ZNF395: variants seen among roughly 807,000 people sequenced by gnomAD.
The protein encoded by ZNF395 is zinc finger protein 395, also known as HD gene regulatory region-binding protein 2.
Under a neutral mutation model 57.7 loss-of-function variants are expected in ZNF395, and 20 were observed. The observed-to-expected ratio is 0.35, with a 90% CI of 0.24 to 0.50. The LOEUF is 0.50. Ranked by LOEUF, ZNF395 falls within the 20% of genes least tolerant of loss-of-function variation. The pLI is 0.97. For missense variants in ZNF395, 606 were observed against 671.2 expected (o/e 0.90, Z 1.07); for synonymous variants, 295 against 275.9 (o/e 1.07, Z -0.69).
chr8:28,369,833 T>G (rs1050802943), intron 1 of ZNF395, among the ~76,000 whole-genome samples: 1 of 152,228 alleles, frequency 6.6e-6, no homozygotes, highest in African/African-American at 2.4e-5. Context: ...CCTGCTGCTA[T>G]GCAACATGTG....
rs1481651128 is a variant in ZNF395 at position 28,384,091 on chromosome 8, T to TG, written c.-59+2301dup. Among the ~76,000 whole-genome samples, 30 of 152,188 alleles carry TG rather than the reference T, an allele frequency of 2.0e-4. 1 individual carries two copies. On this transcript the variant is annotated intron_variant, in intron 1 of 9. Coordinates refer to ENST00000344423, the MANE Select transcript of ZNF395 (RefSeq NM_018660.3). ...CTTCCAGTGATCCCAGTGCAAACTC[T>TG]GGCCACCCTGCAACTCCAACAGCCT...
chr8:28,350,162 GA>G lies in ZNF395; in HGVS notation c.1234-7del. The G allele has an allele frequency of 6.3e-7, 1 of 1,598,960 alleles. No individual in the cohort carries two copies. ...ATCTGGAAGGATGGCAGAGCCTGCGGAAGACGAGGGTGTCAGCCCGGATTCT... is the reference window on the plus strand; with the variant it reads ...ATCTGGAAGGATGGCAGAGCCTGCGGAGACGAGGGTGTCAGCCCGGATTCT... On this transcript the variant is annotated splice_polypyrimidine_tract_variant and splice_region_variant and intron_variant, in intron 7 of 9. Coordinates refer to ENST00000344423, the MANE Select transcript of ZNF395 (RefSeq NM_018660.3).
chr8:28,349,093 C>A (rs1310774434), intron 9 of ZNF395, 32 bp downstream of exon 9: 3 of 1,554,294 alleles, frequency 1.9e-6, no homozygotes, highest in Non-Finnish European at 2.6e-6. Flanking sequence ...GCACAGAAAC[C>A]AGAAGGCAGG....
intron 1 of ZNF395, among the ~76,000 whole-genome samples, chr8:28,380,793 G>C (rs569870424): frequency 3.3e-5 from 5 of 152,292 alleles, no homozygotes; most frequent in African/African-American, 9.6e-5. Flanking sequence ...CCTTGCATCC[G>C]ATAGCCACAC....
chr8:28,356,091 ATAT>A lies in ZNF395; in HGVS notation c.583+576_583+578del, dbSNP rs2129950456. 6.6e-6 allele frequency among the ~76,000 whole-genome samples: 1 copy of A among 152,172 alleles called. No homozygotes were observed. Among genetic ancestry groups the A allele is most frequent in the South Asian group, 2.1e-4 (1 of 4,824 alleles). On this transcript the variant is annotated intron_variant, in intron 4 of 9. Transcript: ENST00000344423. The surrounding 1 kb of genome is among the most constrained non-coding windows in gnomAD (Gnocchi z 4.0). ...ATACTCAGCAACCCTTTTTTCCCTC[ATAT>A]TATTGATAAAGTATTTTGGGGTTGC...
chr8:28,350,123 G>A lies in ZNF395; in HGVS notation c.1267C>T (p.His423Tyr). ...GCCCAGCTGACACTGGTGTAGATGT[G>A]TGGTGAGACTGGGATCTGGAAGGAT... ...LPSFQIPVSP[H>Y]IYTSVSWAAA... Residue 423 changes from histidine to tyrosine, a missense_variant, in exon 8 of 10, where the codon CAC becomes TAC. Transcript: ENST00000344423. 6.2e-7 allele frequency: 1 copy of A among 1,606,900 alleles called. No homozygotes were observed.
intron 1 of ZNF395, among the ~76,000 whole-genome samples, chr8:28,363,879 C>T (rs1418078705): frequency 6.6e-6 from 1 of 152,086 alleles, no homozygotes; most frequent in Non-Finnish European, 1.5e-5. Context: ...CCAGGCCTGC[C>T]GGATTCGCAT....
chr8:28,361,037 C>T lies in ZNF395; in HGVS notation c.88G>A (p.Ala30Thr). Reference sequence around the variant, plus strand: ...AGCAGTGGCTCCGAGGGTGGGGCAGCCGAGGGCCCCTCCGAGGCACTGGGT... The same window carrying T: ...AGCAGTGGCTCCGAGGGTGGGGCAGTCGAGGGCCCCTCCGAGGCACTGGGT... ...LGPSASEGPS[A>T]APPSEPLLEG... Residue 30 changes from alanine to threonine, a missense_variant, in exon 2 of 10, where the codon GCT (alanine) becomes ACT (threonine). This residue lies in a region of ZNF395 where 309 missense variants were observed against 374.7 expected (regional missense o/e 0.82). Transcript: ENST00000344423. The T allele has an allele frequency of 1.2e-6, 2 of 1,609,458 alleles. No individual in the cohort carries two copies. Among genetic ancestry groups the T allele is most frequent in the Non-Finnish European group, 1.7e-6 (2 of 1,178,488 alleles).
chr8:28,374,506 T>C (rs1444734390), intron 1 of ZNF395, among the ~76,000 whole-genome samples: 1 of 152,162 alleles, frequency 6.6e-6, no homozygotes, highest in East Asian at 1.9e-4. Flanking sequence ...CAGTCCCTGT[T>C]CAATGCATTT....
In ZNF395 at chr8:28,348,222, C is replaced by T. The variant is rs990374780; in HGVS notation, c.*497G>A. On this transcript the variant is annotated 3_prime_UTR_variant, in exon 10 of 10. Transcript: ENST00000344423. ...CAAACCCCTCTGCCCCACGGCCAGG[C>T]AGTCCTGCACTCTGAGTCACCCATC... is the stretch of plus-strand genomic sequence containing the variant. 2.7e-5 allele frequency: 4 copies of T among 150,156 alleles called. No individual in the cohort carries two copies. Among genetic ancestry groups the T allele is most frequent in the African/African-American group, 9.9e-5 (4 of 40,258 alleles). 9.3% of individuals were successfully genotyped at this position (150,156 alleles called of 1,614,324 possible). A position where few individuals can be genotyped will look rare whatever the true frequency, so the allele number is the denominator to read the frequency against.
rs1563336913 is a variant in ZNF395 at position 28,353,412 on chromosome 8, G to A, written c.584-4C>T. ...GGGTCGCAGGCCGCACGGGAAGCTG[G>A]CCAGATGAAGAAAAGATGAGAGGAC... On this transcript the variant is annotated splice_polypyrimidine_tract_variant and splice_region_variant and intron_variant, in intron 4 of 9. Coordinates refer to ENST00000344423, the MANE Select transcript of ZNF395 (RefSeq NM_018660.3). 2.6e-6 allele frequency: 4 copies of A among 1,512,024 alleles called. No individual in the cohort carries two copies. In the South Asian group the frequency reaches 5.3e-5, roughly 20 times the overall value. 93.7% of individuals were successfully genotyped at this position (1,512,024 alleles called of 1,614,324 possible). A position where few individuals can be genotyped will look rare whatever the true frequency, so the allele number is the denominator to read the frequency against.
chr8:28,350,001 C>T (rs1424385842), intron 8 of ZNF395, 63 bp downstream of exon 8: 1 of 1,450,474 alleles, frequency 6.9e-7, no homozygotes, highest in Non-Finnish European at 9.2e-7. Context: ...GGCCTCCAGC[C>T]CTGGGATGTG....
chr8:28,374,458 A>C (rs1802016302), intron 1 of ZNF395, among the ~76,000 whole-genome samples: 2 of 152,120 alleles, frequency 1.3e-5, no homozygotes, highest in South Asian at 4.1e-4. Flanking sequence ...TGCGCAATGA[A>C]ATTTTCATTT....
chr8:28,373,856 A>G (rs1802006545), intron 1 of ZNF395, among the ~76,000 whole-genome samples: 1 of 152,168 alleles, frequency 6.6e-6, no homozygotes, highest in African/African-American at 2.4e-5. Context: ...TTAATGTCTG[A>G]GCACAGGGCA....
chr8:28,352,190 C>T lies in ZNF395; in HGVS notation c.920+383G>A, dbSNP rs1450834056. 6.6e-6 allele frequency among the ~76,000 whole-genome samples: 1 copy of T among 152,204 alleles called. No individual in the cohort carries two copies. Among genetic ancestry groups the T allele is most frequent in the Admixed American group, 6.5e-5 (1 of 15,290 alleles). On this transcript the variant is annotated intron_variant, in intron 6 of 9. Transcript: ENST00000344423. The surrounding 1 kb of genome is among the most constrained non-coding windows in gnomAD (Gnocchi z 4.0). Reference sequence around the variant, plus strand: ...CTGCAAACTCGCTCTGCACAGAACACGGCGGAGGCACCAGGGTGGGGCTAG... The same window carrying T: ...CTGCAAACTCGCTCTGCACAGAACATGGCGGAGGCACCAGGGTGGGGCTAG...
intron 1 of ZNF395, among the ~76,000 whole-genome samples, chr8:28,374,451 G>A (rs764580813): frequency 1.3e-5 from 2 of 152,122 alleles, no homozygotes; most frequent in African/African-American, 4.8e-5. Flanking sequence ...ACTAACTTGC[G>A]CAATGAAATT....
intron 1 of ZNF395, among the ~76,000 whole-genome samples, chr8:28,368,025 A>G (rs995706041): frequency 6.6e-6 from 1 of 152,184 alleles, no homozygotes; most frequent in Non-Finnish European, 1.5e-5. Context: ...TTGTAAATGC[A>G]TGGGGCGCTG....
Position 28,351,753 on chromosome 8 carries a change from C to T in ZNF395, c.975G>A (p.Glu325=). 6.3e-7 allele frequency: 1 copy of T among 1,599,758 alleles called. No homozygotes were observed. The highest frequency in any genetic ancestry group is 1.1e-5 in the South Asian group (1 of 90,520). Reference sequence around the variant, plus strand: ...CAGCAGATTCCTCCTTCAGCTGCACCTCTGTGTAGTAGAAATCCTCCTCCC... The same window carrying T: ...CAGCAGATTCCTCCTTCAGCTGCACTTCTGTGTAGTAGAAATCCTCCTCCC... ...FKREEDFYYT[E]VQLKEESAAA... Residue 325 remains glutamate, a synonymous_variant, in exon 7 of 10, where the codon GAG becomes GAA. Transcript: ENST00000344423.
At chr8:28,385,408 C>CA (rs978273281) in intron 1 of ZNF395, 5 of 151,814 alleles carry the variant, frequency 3.3e-5, no homozygotes, top group African/African-American at 4.8e-5. Context: ...CCCCGCCCCC[C>CA]CCCCGGGCAC....
Sources: gnomAD v4.1 joint callset for allele counts (sites outside exome capture counted in the v4.1 genomes callset) on GRCh38, gnomAD v4.1.1 for gene constraint, gnomAD v4.1.1 regional missense constraint, Gnocchi (gnomAD v3.1) non-coding constraint, MANE v1.5 for transcripts, NCBI Gene and HGNC (gene_info 2026-07-23, HGNC 2026-07-21) for gene names.